The following CFAP47 variants were observed in gnomAD, a reference collection of about 807,000 sequenced individuals.
CFAP47 encodes cilia and flagella associated protein 47, also known as cilia- and flagella-associated protein 47.
CFAP47 carries 29 observed loss-of-function variants against 148.1 expected under a neutral mutation model. That is an observed-to-expected ratio of 0.20 (90% CI 0.15 to 0.27). The LOEUF (loss-of-function observed/expected upper bound fraction) is 0.27. Among genes scored for constraint, CFAP47 ranks in the 10% least tolerant of loss-of-function variants. The probability of loss-of-function intolerance (pLI) is 1.00; values close to 1 mark genes in which losing one functional copy is unlikely to be tolerated. For missense variants in CFAP47, 1,872 were observed against 1,697.5 expected, an observed-to-expected ratio of 1.10 and a Z score of -1.81; for synonymous variants, 664 against 577.3, an observed-to-expected ratio of 1.15 and a Z score of -2.15.
intron 49 of CFAP47, among the ~76,000 whole-genome samples, chrX:36,252,280 A>G (rs1456484619): frequency 9.2e-6 from 1 of 109,109 alleles, no homozygotes; most frequent in South Asian, 3.9e-4. Context: ...GTTTGAGGGA[A>G]GGGTTTATAT....
chrX:36,143,468 T>C (rs892005369), intron 35 of CFAP47, among the ~76,000 whole-genome samples: 4 of 111,888 alleles, frequency 3.6e-5, no homozygotes, highest in African/African-American at 6.5e-5. Flanking sequence ...TCGTGTTCAG[T>C]TGCTAACTTG....
chrX:35,959,661 G>A, intron 8 of CFAP47, among the ~76,000 whole-genome samples: 1 of 110,426 alleles, frequency 9.1e-6, no homozygotes. Flanking sequence ...ACAAATATTA[G>A]CTGGGTGTGG....
At chrX:35,956,386 ATGTG>A (rs1936246435) in intron 8 of CFAP47, among the ~76,000 whole-genome samples, 190 bp downstream of exon 8, 1 of 112,120 alleles carries the variant, frequency 8.9e-6, no homozygotes, top group Admixed American at 9.5e-5. Flanking sequence ...AGTGCCTGTC[ATGTG>A]CCAGTGAAAG....
At chrX:36,265,388 C>T (rs930618831) in intron 49 of CFAP47, among the ~76,000 whole-genome samples, 1 of 111,592 alleles carries the variant, frequency 9.0e-6, no homozygotes, top group East Asian at 2.8e-4. Flanking sequence ...GATTTGAATG[C>T]CCTTTATTTC....
chrX:36,110,974 A>G (rs1356659853), intron 33 of CFAP47, among the ~76,000 whole-genome samples: 1 of 111,842 alleles, frequency 8.9e-6, no homozygotes, highest in Non-Finnish European at 1.9e-5. Context: ...GACTTTGCTT[A>G]AGTTGTTTAT....
At chrX:36,268,595 A>G (rs1422896750) in intron 49 of CFAP47, among the ~76,000 whole-genome samples, 1 of 112,561 alleles carries the variant, frequency 8.9e-6, no homozygotes, top group Non-Finnish European at 1.9e-5. Flanking sequence ...TTGAGCTACT[A>G]AGATATGCTT....
intron 26 of CFAP47, among the ~76,000 whole-genome samples, chrX:36,049,488 TCACACACACACACA>T (rs397895931): frequency 0.011 from 975 of 92,265 alleles, 8 homozygotes; most frequent in Middle Eastern, 0.035. Flanking sequence ...TTTCTCTCTC[TCACACACACACACA>T]CACACACACA....
rs1323600115 is a variant in CFAP47, at chrX:36,104,527, A to G, written c.5156A>G (p.Tyr1719Cys). ...TTGGTTCTATCCCGTGTAGTGCCAT[A>G]CTGCAGCAATAATATGCCCCCCATA... Reference protein sequence around the residue: ...KVLVLSRVVPYCSNNMPPICV... With the variant: ...KVLVLSRVVPCCSNNMPPICV... The change falls in exon 33 of 64, where the codon TAC (tyrosine) becomes TGC (cysteine). Residue 1719 changes from tyrosine to cysteine, a missense_variant. Tyr to Cys is a radical substitution (Grantham distance 194). Transcript: ENST00000378653. 5.1e-6 allele frequency: 5 copies of G among 981,401 alleles called. No homozygotes were observed. The highest frequency in any genetic ancestry group is 6.9e-6 in the Non-Finnish European group (5 of 720,890). 80.9% of individuals were successfully genotyped at this position (981,401 alleles called of 1,213,427 possible).
rs773274436 is a variant in CFAP47, at chrX:35,943,689, G to T, written c.517+2291G>T. ...CCATATTTACTTTTATGATTTTATGGCTTGATAATACCACTATTGTTTCTC... is the reference window on the plus strand; with the variant it reads ...CCATATTTACTTTTATGATTTTATGTCTTGATAATACCACTATTGTTTCTC... On this transcript the variant is annotated intron_variant, in intron 3 of 63. Coordinates refer to ENST00000378653, the MANE Select transcript of CFAP47 (RefSeq NM_001304548.2). Among the ~76,000 whole-genome samples the T allele has an allele frequency of 2.7e-5, 3 of 111,571 alleles. 1 individual carries two copies. The highest frequency in any genetic ancestry group is 1.9e-4 in the Admixed American group (2 of 10,454).
At chrX:36,283,898 A>G (rs975810010) in intron 50 of CFAP47, among the ~76,000 whole-genome samples, 1 of 111,753 alleles carries the variant, frequency 8.9e-6, no homozygotes, top group Admixed American at 9.5e-5. Flanking sequence ...GAGTCGTTCC[A>G]CTGATCTTTG....
chrX:36,335,790 T>C (rs1941599995), intron 57 of CFAP47, among the ~76,000 whole-genome samples: 2 of 111,761 alleles, frequency 1.8e-5, no homozygotes, highest in Admixed American at 1.9e-4. Flanking sequence ...ATCTTGACTA[T>C]ATTAATATAA....
intron 26 of CFAP47, among the ~76,000 whole-genome samples, chrX:36,056,680 T>A (rs1354837212): frequency 8.9e-6 from 1 of 112,644 alleles, no homozygotes; most frequent in Non-Finnish European, 1.9e-5. Context: ...CCTTTTCATG[T>A]TAGCACTTGG....
chrX:35,936,025 T>C (rs1359532102), intron 2 of CFAP47, among the ~76,000 whole-genome samples: 2 of 112,184 alleles, frequency 1.8e-5, no homozygotes, highest in African/African-American at 6.5e-5. Flanking sequence ...CACTCAGCTT[T>C]TTTGAATTTG....
intron 33 of CFAP47, among the ~76,000 whole-genome samples, chrX:36,120,425 C>G (rs1055928885): frequency 5.4e-5 from 6 of 111,052 alleles, no homozygotes; most frequent in African/African-American, 1.6e-4. Context: ...TTGTTTTGCT[C>G]TTGCTTTTCT....
intron 55 of CFAP47, among the ~76,000 whole-genome samples, chrX:36,310,180 T>A (rs1191555254): frequency 9.0e-6 from 1 of 111,147 alleles, no homozygotes; most frequent in Non-Finnish European, 1.9e-5. Context: ...TGTACTGTAC[T>A]CTGAAGGGAC....
intron 62 of CFAP47, among the ~76,000 whole-genome samples, chrX:36,376,188 G>T (rs782609483): frequency 4.3e-4 from 48 of 112,304 alleles, no homozygotes; most frequent in African/African-American, 1.5e-3. Context: ...TGGAGGCCTT[G>T]CAAACCTTTT....
chrX:35,995,595 T>A (rs1479274403), intron 18 of CFAP47, among the ~76,000 whole-genome samples: 1 of 111,104 alleles, frequency 9.0e-6, no homozygotes, highest in Non-Finnish European at 1.9e-5. Flanking sequence ...TGGCAACATT[T>A]AGAGAGAAAG....
intron 61 of CFAP47, among the ~76,000 whole-genome samples, chrX:36,366,709 G>A (rs1252330512): frequency 9.0e-6 from 1 of 110,992 alleles, no homozygotes; most frequent in East Asian, 2.8e-4. Context: ...TTGGTTCTTA[G>A]AAAATAACTA....
chrX:35,959,889 A>C (rs1300499147), intron 8 of CFAP47, among the ~76,000 whole-genome samples: 6 of 109,060 alleles, frequency 5.5e-5, no homozygotes. Flanking sequence ...AAAAAAAAAA[A>C]AAAAAAAAAA....
Sources: allele counts gnomAD v4.1 joint callset (sites outside exome capture counted in the v4.1 genomes callset), GRCh38; gene constraint gnomAD v4.1.1; transcripts MANE v1.5; gene names NCBI Gene and HGNC (gene_info 2026-07-23, HGNC 2026-07-21).